The following ZFAT variants were observed in gnomAD, a reference collection of about 807,000 sequenced individuals.
ZFAT encodes the protein zinc finger and AT-hook domain containing.
Under a neutral mutation model 117.7 loss-of-function variants are expected in ZFAT, and 64 were observed. The ratio of observed to expected loss-of-function variants is 0.54; its 90% CI spans 0.44 to 0.67. The LOEUF (loss-of-function observed/expected upper bound fraction) is 0.67, where lower values mean the gene tolerates loss of function less well. Ranked by LOEUF, ZFAT falls within the 30% of genes least tolerant of loss-of-function variation. The pLI, the probability that ZFAT is intolerant of heterozygous loss-of-function variation, is 0.00. For missense variants in ZFAT, 1,433 were observed against 1,584.5 expected (o/e 0.90, Z 1.62); for synonymous variants, 679 against 615.0 (o/e 1.10, Z -1.54).
the ZFAT span, among the ~76,000 whole-genome samples, chr8:134,781,757 C>T: frequency 6.6e-6 from 1 of 152,138 alleles, no homozygotes; most frequent in Non-Finnish European, 1.5e-5. Flanking sequence ...CCCCCCTCTT[C>T]CTCCCCCTCC....
At position 134,639,115 on chromosome 8, in the gene ZFAT, T is replaced by A. The variant is rs192573190; in HGVS notation, c.197-1403A>T. Among the ~76,000 whole-genome samples, 32 of 152,312 alleles carry A rather than the reference T, an allele frequency of 2.1e-4. No individual in the cohort carries two copies. In the East Asian group the frequency reaches 4.6e-3, roughly 22 times the overall value. On this transcript the variant is annotated intron_variant, in intron 2 of 15. Transcript: ENST00000377838. Reference sequence around the variant, plus strand: ...CATGAGGACCCGTTAAGTAAGTCACTTGTGCTCACAAATCAGAGAGGGAGG... The same window carrying A: ...CATGAGGACCCGTTAAGTAAGTCACATGTGCTCACAAATCAGAGAGGGAGG...
At chr8:134,493,524 T>C (rs1018854454) in intron 15 of ZFAT, among the ~76,000 whole-genome samples, 2 of 152,256 alleles carry the variant, frequency 1.3e-5, no homozygotes, top group African/African-American at 4.8e-5. Flanking sequence ...GTCTAGGCAT[T>C]GCTTAGTTTG....
At chr8:134,685,286 G>C (rs143640354) in intron 1 of ZFAT, among the ~76,000 whole-genome samples, 4 of 151,984 alleles carry the variant, frequency 2.6e-5, no homozygotes, top group Non-Finnish European at 5.9e-5. Flanking sequence ...CCACCAAGTC[G>C]ACCACCACAT....
At chr8:134,661,088 TG>T (rs1033229020) in intron 1 of ZFAT, among the ~76,000 whole-genome samples, 1 of 151,598 alleles carries the variant, frequency 6.6e-6, no homozygotes. Flanking sequence ...GCCATGAGAG[TG>T]GGGTGGATAC....
Position 134,537,482 on chromosome 8 carries a change from T to C in ZFAT, c.2977-4510A>G, listed in dbSNP as rs528113071. The stretch of plus-strand genomic sequence containing the variant: ...GAATCGCACAGTGGACCGGGAGAGA[T>C]GTGGGCAGTTACTGGGCTATCATTA... On this transcript the variant is annotated intron_variant, in intron 11 of 15. Transcript: ENST00000377838. Among the ~76,000 whole-genome samples, 3 of 152,208 alleles carry C rather than the reference T, an allele frequency of 2.0e-5. No homozygotes were observed. In the South Asian group the frequency reaches 6.2e-4, roughly 32 times the overall value.
At chr8:134,573,742 T>C (rs1586735127) in intron 10 of ZFAT, among the ~76,000 whole-genome samples, 1 of 152,328 alleles carries the variant, frequency 6.6e-6, no homozygotes, top group East Asian at 1.9e-4. Flanking sequence ...CACTTTCAAG[T>C]GTTCTTTTGG....
chr8:134,610,344 G>T, intron 4 of ZFAT, 126 bp downstream of exon 4: 1 of 1,026,272 alleles, frequency 9.7e-7, no homozygotes, highest in Non-Finnish European at 1.4e-6. Flanking sequence ...AAATTAGTGG[G>T]TGATTAAATG....
intron 1 of ZFAT, among the ~76,000 whole-genome samples, chr8:134,711,254 C>G (rs945252286): frequency 1.1e-4 from 16 of 152,234 alleles, no homozygotes; most frequent in African/African-American, 3.9e-4. Flanking sequence ...CAGGCGTGAG[C>G]TACTGCGCCC....
At position 134,657,544 on chromosome 8, in the gene ZFAT, C is replaced by A. The variant is rs1290778255; in HGVS notation, c.196+17G>T. 1 of 1,582,040 alleles carries A rather than the reference C, an allele frequency of 6.3e-7. No individual in the cohort carries two copies. Among genetic ancestry groups the A allele is most frequent in the African/African-American group, 1.3e-5 (1 of 74,110 alleles). On this transcript the variant is annotated intron_variant, in intron 2 of 15. Transcript: ENST00000377838. ...GTGTGTCAGAAGGTATCCTGCCCCA[C>A]CCCCCAGCCCCCTTACCATCTCCGG...
chr8:134,504,391 G>A (rs942182172), intron 15 of ZFAT, among the ~76,000 whole-genome samples: 15 of 152,140 alleles, frequency 9.9e-5, no homozygotes, highest in African/African-American at 2.9e-4. Flanking sequence ...TTCTTAAAAA[G>A]AAGATGCTGT....
chr8:134,798,805 C>T, the ZFAT span, among the ~76,000 whole-genome samples: 1 of 152,072 alleles, frequency 6.6e-6, no homozygotes, highest in South Asian at 2.1e-4. Flanking sequence ...AAACCACATG[C>T]ATATGCTGAG....
chr8:134,588,460 C>A (rs1240919743), intron 8 of ZFAT, 65 bp from the exon 9 acceptor site: 1 of 1,484,938 alleles, frequency 6.7e-7, no homozygotes, highest in Non-Finnish European at 9.0e-7. Context: ...CATAAATAAA[C>A]CTCATTGCTA....
chr8:134,513,077 G>C (rs1011355323), intron 13 of ZFAT, among the ~76,000 whole-genome samples: 1 of 152,210 alleles, frequency 6.6e-6, no homozygotes, highest in Non-Finnish European at 1.5e-5. Context: ...ACAGAGGAAG[G>C]GGCACAGCCA....
intron 14 of ZFAT, 106 bp from the exon 15 acceptor site, chr8:134,509,855 G>C (rs1819685047): frequency 7.2e-7 from 1 of 1,393,358 alleles, no homozygotes. Flanking sequence ...TTCTCCAGAG[G>C]ATGCATGGGC....
chr8:134,791,387 T>TA, the ZFAT span, among the ~76,000 whole-genome samples: 1 of 152,186 alleles, frequency 6.6e-6, no homozygotes, highest in Non-Finnish European at 1.5e-5. Context: ...CTCTTGCTGT[T>TA]AAAGTCTCAG....
chr8:134,526,404 A>C (rs1821027597), intron 12 of ZFAT, among the ~76,000 whole-genome samples: 1 of 152,238 alleles, frequency 6.6e-6, no homozygotes, highest in South Asian at 2.1e-4. Context: ...TTAAATTCTT[A>C]GGCAATGCAC....
chr8:134,642,472 A>G (rs536930073), intron 2 of ZFAT, among the ~76,000 whole-genome samples: 61 of 152,226 alleles, frequency 4.0e-4, no homozygotes, highest in Non-Finnish European at 7.2e-4. Context: ...ATAAATGGCA[A>G]CTGTTTAATA....
the ZFAT span, among the ~76,000 whole-genome samples, chr8:134,799,324 T>G: frequency 1.3e-5 from 2 of 152,204 alleles, no homozygotes; most frequent in Non-Finnish European, 2.9e-5. Context: ...CTAGGATGTG[T>G]GTACTTCTTA....
chr8:134,519,380 G>T (rs1820478137), intron 13 of ZFAT, among the ~76,000 whole-genome samples: 1 of 152,050 alleles, frequency 6.6e-6, no homozygotes, highest in Non-Finnish European at 1.5e-5. Flanking sequence ...TCTTGGTTTT[G>T]TTTCCTGTAT....
Sources: gnomAD v4.1 joint callset for allele counts (sites outside exome capture counted in the v4.1 genomes callset) on GRCh38, gnomAD v4.1.1 for gene constraint, MANE v1.5 for transcripts, NCBI Gene and HGNC (gene_info 2026-07-23, HGNC 2026-07-21) for gene names.